PDGFRB: variants seen among roughly 807,000 people sequenced by gnomAD.
PDGFRB encodes the protein platelet-derived growth factor receptor beta.
A neutral mutation model predicts 120.2 loss-of-function variants in PDGFRB; 42 were observed. That is an observed-to-expected ratio of 0.35 (90% CI 0.27 to 0.45). PDGFRB has a LOEUF of 0.45. Among genes scored for constraint, PDGFRB ranks in the 20% least tolerant of loss-of-function variants. The pLI, the probability that PDGFRB is intolerant of heterozygous loss-of-function variation, is 1.00. For synonymous variants in PDGFRB, 586 were observed against 606.8 expected (o/e 0.97, Z 0.50); for missense variants, 1,149 against 1,476.3 (o/e 0.78, Z 3.63).
chr5:150,143,789 C>T (rs1401877303), intron 1 of PDGFRB, among the ~76,000 whole-genome samples: 2 of 151,942 alleles, frequency 1.3e-5, no homozygotes, highest in Admixed American at 6.6e-5. Flanking sequence ...GGCTCCCACC[C>T]GCCCCCTTCA....
rs1156538795 is a variant in PDGFRB, at chr5:150,132,037, G to A, written c.1185C>T (p.Thr395=). 10 of 1,612,118 alleles carry A rather than the reference G, an allele frequency of 6.2e-6. No individual in the cohort carries two copies. Among genetic ancestry groups the A allele is most frequent in the Non-Finnish European group, 8.5e-6 (10 of 1,178,292 alleles). ...CAGCATCCTCATGGAAGGCCCGCAT[G>A]GTGTAGTGGCCAGCCTCTGCCACCT... ...RVKVAEAGHY[T]MRAFHEDAEV... Residue 395 remains threonine, a synonymous_variant, in exon 8 of 23, where the codon ACC becomes ACT. Transcript: ENST00000261799. The surrounding 1 kb of genome is among the most constrained non-coding windows in gnomAD (Gnocchi z 5.0).
At chr5:150,135,285 G>A (rs1760589178) in intron 3 of PDGFRB, among the ~76,000 whole-genome samples, 1 of 152,222 alleles carries the variant, frequency 6.6e-6, no homozygotes. Flanking sequence ...AAGAAGGGAT[G>A]TGGGGTCAAG....
intron 2 of PDGFRB, among the ~76,000 whole-genome samples, chr5:150,136,585 C>A (rs1477771693): frequency 6.6e-6 from 1 of 152,124 alleles, no homozygotes; most frequent in African/African-American, 2.4e-5. Context: ...AGTCGCTCAG[C>A]CCCTGCAGAG....
At chr5:150,155,320 T>TTTTAA in intron 1 of PDGFRB, 77 bp downstream of exon 1, 1 of 267,962 alleles carries the variant, frequency 3.7e-6, no homozygotes, top group Non-Finnish European at 7.0e-6. Flanking sequence ...TTTTTTTTTT[T>TTTTAA]ACCTACTCGA....
rs376421727 is a variant in PDGFRB, at chr5:150,114,403, G to A, written c.*1360C>T. On this transcript the variant is annotated 3_prime_UTR_variant, in exon 23 of 23. Transcript: ENST00000261799. ...CCATTCTGTCTTCGACGCAGACCTC[G>A]GCACAGGTGCTGGAGTGGTGGGCTG... The A allele has an allele frequency of 8.1e-5, 19 of 233,304 alleles. No homozygotes were observed. Among genetic ancestry groups the A allele is most frequent in the East Asian group, 4.8e-4 (8 of 16,562 alleles). The allele number at this position is 233,304 out of a possible 1,614,324, so 14.5% of individuals were successfully genotyped here.
At chr5:150,139,526 C>T (rs890642420) in intron 1 of PDGFRB, among the ~76,000 whole-genome samples, 1 of 152,044 alleles carries the variant, frequency 6.6e-6, no homozygotes, top group Non-Finnish European at 1.5e-5. Flanking sequence ...GGCTAGTAAG[C>T]AGGAGGGGGC....
At chr5:150,117,939 T>C (rs972369477) in intron 21 of PDGFRB, 89 bp from the exon 22 acceptor site, 2 of 732,762 alleles carry the variant, frequency 2.7e-6, no homozygotes, top group Non-Finnish European at 4.7e-6. Context: ...CATCCCCCTT[T>C]GTATAAATAA....
At position 150,117,552 on chromosome 5, in the gene PDGFRB, A is replaced by G. The variant is rs866543407; in HGVS notation, c.3137+66T>C. On this transcript the variant is annotated intron_variant, in intron 22 of 22. Coordinates refer to ENST00000261799, the MANE Select transcript of PDGFRB (RefSeq NM_002609.4). Reference sequence around the variant, plus strand: ...AGCGCGCGCGCGCGCGCGCACACACACACACACACACACACACACACACAC... The same window carrying G: ...AGCGCGCGCGCGCGCGCGCACACACGCACACACACACACACACACACACAC... 5.8e-3 allele frequency: 4,123 copies of G among 708,124 alleles called. 11 individuals carry two copies. The highest frequency in any genetic ancestry group is 0.023 in the East Asian group (799 of 34,278). 43.9% of individuals were successfully genotyped at this position (708,124 alleles called of 1,614,324 possible).
intron 22 of PDGFRB, 130 bp downstream of exon 22, chr5:150,117,488 T>C: frequency 1.6e-6 from 1 of 612,212 alleles, no homozygotes; most frequent in Non-Finnish European, 2.9e-6. Context: ...TAGGGATAAG[T>C]ACTTACCCTA....
chr5:150,139,568 C>G (rs1242332580), intron 1 of PDGFRB, among the ~76,000 whole-genome samples: 3 of 152,152 alleles, frequency 2.0e-5, no homozygotes, highest in Non-Finnish European at 4.4e-5. Flanking sequence ...ACATAAGAAT[C>G]CACCAGCCAT....
chr5:150,134,870 C>G lies in PDGFRB; in HGVS notation c.511G>C (p.Val171Leu), dbSNP rs2113910822. Residue 171 changes from valine to leucine, a missense_variant, in exon 4 of 23, where the codon GTC becomes CTC. By Grantham distance (32) the Val-to-Leu change is conservative. This residue lies in a region of PDGFRB where 879 missense variants were observed against 1,108.6 expected (regional missense o/e 0.79). Transcript: ENST00000261799. ...HEKKGDVALP[V>L]PYDHQRGFSG... Reference sequence around the variant, plus strand: ...AAGCCACGTTGGTGATCATAGGGGACAGGCAGTGCAACGTCCCCTTTCTTC... The same window carrying G: ...AAGCCACGTTGGTGATCATAGGGGAGAGGCAGTGCAACGTCCCCTTTCTTC... The G allele has an allele frequency of 6.2e-7, 1 of 1,614,214 alleles. No individual in the cohort carries two copies. The highest frequency in any genetic ancestry group is 8.5e-7 in the Non-Finnish European group (1 of 1,180,020).
At position 150,121,899 on chromosome 5, in the gene PDGFRB, G is replaced by A. The variant is rs1472203888; in HGVS notation, c.2325C>T (p.Tyr775=). 27 of 1,613,152 alleles carry A rather than the reference G, an allele frequency of 1.7e-5. No homozygotes were observed. The highest frequency in any genetic ancestry group is 2.2e-5 in the Non-Finnish European group (26 of 1,179,220). The part of the protein sequence containing the change: ...DIESSNYMAP[Y]DNYVPSAPER... ...ACCCACCAGAGGGAACGTAGTTATC[G>A]TAAGGGGCCATGTAGTTGGAGGACT... The change falls in exon 16 of 23, where the codon TAC becomes TAT. Residue 775 remains tyrosine, a synonymous_variant. Transcript: ENST00000261799. This position sits in a 1 kb window ranked among gnomAD's most constrained non-coding sequence, Gnocchi z 4.1.
intron 10 of PDGFRB, among the ~76,000 whole-genome samples, chr5:150,128,720 T>C (rs990340339): frequency 3.3e-5 from 5 of 152,248 alleles, no homozygotes; most frequent in Non-Finnish European, 7.3e-5. Flanking sequence ...TCTAGAATAC[T>C]TTCCTGAATC....
rs763775583 is a variant in PDGFRB, at chr5:150,146,393, CA to C, written c.-7+9003del. On this transcript the variant is annotated intron_variant, in intron 1 of 22. Coordinates refer to ENST00000261799, the MANE Select transcript of PDGFRB (RefSeq NM_002609.4). ...GGAGATTTTGTTTCATCCTCACGAC[CA>C]CCCTGTGAGGGGGGTACACTCATTA... Among the ~76,000 whole-genome samples, 4 of 152,292 alleles carry C rather than the reference CA, an allele frequency of 2.6e-5. No homozygotes were observed. In the East Asian group the frequency reaches 7.7e-4, roughly 29 times the overall value.
At chr5:150,136,956 G>A (rs2113914442) in intron 2 of PDGFRB, 52 bp downstream of exon 2, 4 of 1,414,332 alleles carry the variant, frequency 2.8e-6, no homozygotes, top group South Asian at 1.2e-5. Context: ...CCAGCTCCAG[G>A]GTTCCACTCC....
chr5:150,132,927 C>T lies in PDGFRB; in HGVS notation c.950G>A (p.Arg317Gln), dbSNP rs1443597666. ...TAGTGTGCCCACCTCTCCCAGGAGC[C>T]GCACGTAGCCGCTCTCTGCAAGGGG... The part of the protein sequence containing the change: ...NITVVESGYV[R>Q]LLGEVGTLQF... The change falls in exon 7 of 23, where the codon CGG (arginine) becomes CAG (glutamine). Residue 317 changes from arginine (R) to glutamine (Q), a missense_variant. By Grantham distance (43) the Arg-to-Gln change is conservative. This residue lies in a region of PDGFRB where 879 missense variants were observed against 1,108.6 expected (regional missense o/e 0.79). Coordinates refer to ENST00000261799, the MANE Select transcript of PDGFRB (RefSeq NM_002609.4). This position sits in a 1 kb window ranked among gnomAD's most constrained non-coding sequence, Gnocchi z 5.0. The T allele has an allele frequency of 5.8e-6, 9 of 1,561,262 alleles. No individual in the cohort carries two copies. Among genetic ancestry groups the T allele is most frequent in the South Asian group, 1.2e-5 (1 of 84,990 alleles).
rs749468453 is a variant in PDGFRB at position 150,133,755 on chromosome 5, C to A, written c.765G>T (p.Gly255=). The A allele has an allele frequency of 1.2e-6, 2 of 1,613,958 alleles. No homozygotes were observed. Among genetic ancestry groups the A allele is most frequent in the Admixed American group, 3.3e-5 (2 of 60,006 alleles). The change falls in exon 6 of 23, where the codon GGG becomes GGT. Residue 255 remains glycine, a synonymous_variant. Transcript: ENST00000261799. ...AGTCAGTCACCGGCTCCACCAGCCG[C>A]CCACTCTGCAGCAACAGGTTGGGCA... ...FEWTYPRKES[G]RLVEPVTDFL...
At position 150,132,033 on chromosome 5, in the gene PDGFRB, G is replaced by T; in HGVS notation, c.1189C>A (p.Arg397=). The part of the protein sequence containing the change: ...KVAEAGHYTM[R]AFHEDAEVQL... ...ACCTCAGCATCCTCATGGAAGGCCC[G>T]CATGGTGTAGTGGCCAGCCTCTGCC... Residue 397 remains arginine (R), a synonymous_variant, in exon 8 of 23, where the codon CGG becomes AGG. Coordinates refer to ENST00000261799, the MANE Select transcript of PDGFRB (RefSeq NM_002609.4). This position sits in a 1 kb window ranked among gnomAD's most constrained non-coding sequence, Gnocchi z 5.0. The T allele has an allele frequency of 1.2e-6, 2 of 1,611,472 alleles. No homozygotes were observed. The highest frequency in any genetic ancestry group is 1.7e-6 in the Non-Finnish European group (2 of 1,177,598).
rs1004877464 is a variant in PDGFRB at position 150,126,390 on chromosome 5, C to T, written c.1674+130G>A. The T allele has an allele frequency of 8.8e-6, 6 of 678,244 alleles. No homozygotes were observed. The East Asian group carries it at 1.6e-4, about 18-fold the overall frequency. 42.0% of individuals were successfully genotyped at this position (678,244 alleles called of 1,614,324 possible). On this transcript the variant is annotated intron_variant, in intron 11 of 22. Transcript: ENST00000261799. ...AGCTGAGACAGCCAGCGTCACAAGTCCCCACCTGAGTTCCATGCTGAGCCC... is the reference window on the plus strand; with the variant it reads ...AGCTGAGACAGCCAGCGTCACAAGTTCCCACCTGAGTTCCATGCTGAGCCC...
Sources: gnomAD v4.1 joint callset for allele counts (sites outside exome capture counted in the v4.1 genomes callset) on GRCh38, gnomAD v4.1.1 for gene constraint, gnomAD v4.1.1 regional missense constraint, Gnocchi (gnomAD v3.1) non-coding constraint, MANE v1.5 for transcripts, NCBI Gene and HGNC (gene_info 2026-07-23, HGNC 2026-07-21) for gene names.